Variants in OPHN1 observed in about 807,000 individuals in gnomAD.
OPHN1 encodes oligophrenin 1, also known as oligophrenin-1.
Under a neutral mutation model 60.7 loss-of-function variants are expected in OPHN1, and 11 were observed. The ratio of observed to expected loss-of-function variants is 0.18; its 90% confidence interval spans 0.11 to 0.30. The LOEUF is 0.30. OPHN1 is among the 10% of genes least tolerant of loss of function. The probability of loss-of-function intolerance (pLI) is 1.00; values close to 1 mark genes in which losing one functional copy is unlikely to be tolerated. For missense variants in OPHN1, 449 were observed against 611.0 expected (o/e 0.73, Z 2.80); for synonymous variants, 226 against 222.6 (o/e 1.02, Z -0.14).
At chrX:68,283,765 G>C (rs192990901) in intron 3 of OPHN1, among the ~76,000 whole-genome samples, 439 of 111,884 alleles carry the variant, frequency 3.9e-3, no homozygotes, top group Non-Finnish European at 5.2e-3. Flanking sequence ...TTCTCGACTG[G>C]CATCTGAATG....
intron 6 of OPHN1, among the ~76,000 whole-genome samples, chrX:68,233,185 C>T (rs1302553302): frequency 1.8e-5 from 2 of 111,591 alleles, no homozygotes; most frequent in East Asian, 5.7e-4. Context: ...GCCTTGGCCG[C>T]CCAAAATGCT....
At chrX:68,112,658 A>G (rs1380370077) in intron 17 of OPHN1, among the ~76,000 whole-genome samples, 1 of 112,575 alleles carries the variant, frequency 8.9e-6, no homozygotes, top group Admixed American at 9.4e-5. Context: ...ATGCTTCTTT[A>G]ATCGCCAACT....
intron 15 of OPHN1, among the ~76,000 whole-genome samples, chrX:68,153,580 G>A (rs1249214751): frequency 8.9e-6 from 1 of 111,960 alleles, no homozygotes; most frequent in Admixed American, 9.5e-5. Flanking sequence ...GTGTCTAATG[G>A]CCTTCCCTAG....
At chrX:68,389,497 G>A (rs1227082466) in intron 2 of OPHN1, among the ~76,000 whole-genome samples, 1 of 107,613 alleles carries the variant, frequency 9.3e-6, no homozygotes, top group Non-Finnish European at 1.9e-5. Context: ...AACCCAAAAG[G>A]CAGAGCTTGC....
intron 11 of OPHN1, among the ~76,000 whole-genome samples, chrX:68,198,808 T>G (rs2077523283): frequency 9.0e-6 from 1 of 111,540 alleles, no homozygotes; most frequent in South Asian, 3.8e-4. Context: ...GTCCTTTCCA[T>G]TACTGATATC....
intron 6 of OPHN1, among the ~76,000 whole-genome samples, chrX:68,223,808 T>A (rs2077675861): frequency 9.0e-6 from 1 of 111,553 alleles, no homozygotes. Flanking sequence ...ATTAATTTCA[T>A]AAAAAGCATA....
In OPHN1 at chrX:68,234,151, T is replaced by C. The variant is rs186812344; in HGVS notation, c.486+336A>G. On this transcript the variant is annotated intron_variant, in intron 6 of 24. Transcript: ENST00000355520. ...CTCAGGGAAAAAAGTAGAAGATCTG[T>C]TCCTGATTTCTACCAAATACAACAC... Among the ~76,000 whole-genome samples the C allele has an allele frequency of 2.1e-3, 226 of 108,908 alleles. 2 individuals are homozygous for C. The highest frequency in any genetic ancestry group is 9.7e-3 in the South Asian group (24 of 2,481). 94.6% of individuals were successfully genotyped at this position (108,908 alleles called of 115,157 possible).
intron 18 of OPHN1, among the ~76,000 whole-genome samples, chrX:68,107,728 G>A (rs1007440968): frequency 1.8e-5 from 2 of 111,316 alleles, no homozygotes; most frequent in Admixed American, 9.5e-5. Context: ...CACCCGCCTC[G>A]GCCTCCCAAA....
chrX:68,128,142 T>C (rs756336557), intron 15 of OPHN1, among the ~76,000 whole-genome samples: 7 of 109,732 alleles, frequency 6.4e-5, no homozygotes, highest in Middle Eastern at 4.7e-3. Context: ...CTCAAACTCC[T>C]GGGCTCAAGG....
At chrX:68,114,259 AC>A (rs2077118055) in intron 16 of OPHN1, among the ~76,000 whole-genome samples, 1 of 111,324 alleles carries the variant, frequency 9.0e-6, no homozygotes, top group Non-Finnish European at 1.9e-5. Flanking sequence ...ACCCATTTAA[AC>A]CTCATAACAA....
At chrX:68,143,212 C>T (rs1192768155) in intron 15 of OPHN1, among the ~76,000 whole-genome samples, 1 of 111,322 alleles carries the variant, frequency 9.0e-6, no homozygotes, top group Non-Finnish European at 1.9e-5. Flanking sequence ...GGCCTCAGTA[C>T]AAATGTTTTA....
chrX:68,074,191 G>C (rs1490067400), intron 19 of OPHN1, among the ~76,000 whole-genome samples: 1 of 111,760 alleles, frequency 8.9e-6, no homozygotes, highest in Non-Finnish European at 1.9e-5. Context: ...AGAAATGTCA[G>C]AGCCCAATAT....
In OPHN1 at chrX:68,262,829, A is replaced by AAGGACAGGACAGGAC. The variant is rs4020603; in HGVS notation, c.384+11894_384+11908dup. ...CAGGACAGGACAGGACAAGAAAGGA[A>AAGGACAGGACAGGAC]AGGACAGGACAGGACAGGACAGGAC... On this transcript the variant is annotated intron_variant, in intron 5 of 24. Coordinates refer to ENST00000355520, the MANE Select transcript of OPHN1 (RefSeq NM_002547.3). 5.5e-4 allele frequency among the ~76,000 whole-genome samples: 54 copies of AAGGACAGGACAGGAC among 98,021 alleles called. No homozygotes were observed. In the East Asian group the frequency reaches 0.011, roughly 19 times the overall value. 85.1% of individuals were successfully genotyped at this position (98,021 alleles called of 115,157 possible). A position where few individuals can be genotyped will look rare whatever the true frequency, so the allele number is the denominator to read the frequency against.
chrX:68,433,315 G>A lies in OPHN1; in HGVS notation c.-152C>T. 3.1e-6 allele frequency: 1 copy of A among 320,270 alleles called. No individual in the cohort carries two copies. The highest frequency in any genetic ancestry group is 5.4e-6 in the Non-Finnish European group (1 of 184,317). 26.4% of individuals were successfully genotyped at this position (320,270 alleles called of 1,213,427 possible). A position where few individuals can be genotyped will look rare whatever the true frequency, so the allele number is the denominator to read the frequency against. ...GCAAGCAGCATGTCCCTTAGGCATC[G>A]CCTTCCCAGATAAGCAGCAAAAACC... is the stretch of plus-strand genomic sequence containing the variant. On this transcript the variant is annotated 5_prime_UTR_variant, in exon 1 of 25. Transcript: ENST00000355520.
rs2077004837 is a variant in OPHN1, at chrX:68,088,740, C to G, written c.1686+8130G>C. ...CTTGAAACATTTATCTCAATGACTC[C>G]TCCCAAAAACTCTATGAAGTATGTC... On this transcript the variant is annotated intron_variant, in intron 19 of 24. Transcript: ENST00000355520. Among the ~76,000 whole-genome samples, 5 of 110,079 alleles carry G rather than the reference C, an allele frequency of 4.5e-5. No homozygotes were observed. In the Admixed American group the frequency reaches 4.8e-4, roughly 11 times the overall value.
chrX:68,186,968 C>T (rs1216976204), intron 15 of OPHN1, among the ~76,000 whole-genome samples: 4 of 111,888 alleles, frequency 3.6e-5, no homozygotes, highest in African/African-American at 1.3e-4. Flanking sequence ...ACATTCACTC[C>T]CTAACAGATG....
intron 2 of OPHN1, among the ~76,000 whole-genome samples, chrX:68,426,495 G>C (rs1362300479): frequency 3.3e-5 from 3 of 89,754 alleles, no homozygotes; most frequent in African/African-American, 1.1e-4. Context: ...CTATGTATGT[G>C]TGGTTGTGCA....
chrX:68,136,567 T>A (rs1025583273), intron 15 of OPHN1, among the ~76,000 whole-genome samples: 64 of 111,156 alleles, frequency 5.8e-4, no homozygotes, highest in Non-Finnish European at 4.1e-4. Context: ...CCTCCCAAAG[T>A]GCTGGGATTA....
intron 15 of OPHN1, among the ~76,000 whole-genome samples, chrX:68,169,520 A>G (rs1326079781): frequency 1.8e-5 from 2 of 108,734 alleles, no homozygotes; most frequent in Non-Finnish European, 3.8e-5. Flanking sequence ...ACGCTACATG[A>G]CTTCAAACTA....
Sources: allele counts gnomAD v4.1 joint callset (sites outside exome capture counted in the v4.1 genomes callset), GRCh38; gene constraint gnomAD v4.1.1; transcripts MANE v1.5; gene names NCBI Gene and HGNC (gene_info 2026-07-23, HGNC 2026-07-21).